DNAH6: variants seen among roughly 807,000 people sequenced by gnomAD.
The protein encoded by DNAH6 is axonemal beta dynein heavy chain 6.
In DNAH6, 340 loss-of-function variants were observed where a neutral mutation model predicts 491.4. The ratio of observed to expected loss-of-function variants is 0.69; its 90% CI spans 0.63 to 0.76. The LOEUF (loss-of-function observed/expected upper bound fraction) is 0.76. DNAH6 is among the 30% of genes least tolerant of loss of function. The pLI, the probability that DNAH6 is intolerant of heterozygous loss-of-function variation, is 0.00. For missense variants in DNAH6, 4,443 were observed against 4,972.2 expected (o/e 0.89, Z 3.20); for synonymous variants, 1,603 against 1,686.1 (o/e 0.95, Z 1.21).
intron 57 of DNAH6, among the ~76,000 whole-genome samples, chr2:84,714,437 A>G (rs1290244771): frequency 6.6e-6 from 1 of 152,184 alleles, no homozygotes; most frequent in Middle Eastern, 3.2e-3. Flanking sequence ...AGTGACCAAC[A>G]TTACCAGAGG....
chr2:84,526,386 C>T (rs974710423), intron 3 of DNAH6, among the ~76,000 whole-genome samples: 1 of 152,076 alleles, frequency 6.6e-6, no homozygotes, highest in Non-Finnish European at 1.5e-5. Flanking sequence ...AACTGCTAGA[C>T]GTGCACAGTT....
the DNAH6 span, among the ~76,000 whole-genome samples, chr2:84,487,355 C>T: frequency 6.6e-6 from 1 of 152,264 alleles, no homozygotes; most frequent in Admixed American, 6.5e-5. Context: ...TGCCTCAAAT[C>T]CAGGCACCAC....
chr2:84,724,725 C>T (rs1482135876), intron 60 of DNAH6, among the ~76,000 whole-genome samples: 1 of 152,198 alleles, frequency 6.6e-6, no homozygotes, highest in Non-Finnish European at 1.5e-5. Context: ...GCCATGGCCT[C>T]TCCTTGTGGC....
At position 84,770,003 on chromosome 2, in the gene DNAH6, T is replaced by G. The variant is rs182592825; in HGVS notation, c.10703+7058T>G. On this transcript the variant is annotated intron_variant, in intron 64 of 76. Transcript: ENST00000389394. ...CAGGAAGTGAAGGCTAATGCAGATT[T>G]GTAAACTGCCCAGCTGAGTGTTGAA... Among the ~76,000 whole-genome samples the G allele has an allele frequency of 2.7e-3, 406 of 152,324 alleles. 2 individuals are homozygous for G. Among genetic ancestry groups the G allele is most frequent in the Non-Finnish European group, 4.4e-3 (300 of 68,024 alleles).
chr2:84,494,671 C>A, the DNAH6 span, among the ~76,000 whole-genome samples: 2 of 152,170 alleles, frequency 1.3e-5, no homozygotes, highest in Non-Finnish European at 2.9e-5. Flanking sequence ...ACAGAACTTT[C>A]TGAAAATTAG....
chr2:84,783,762 C>G (rs73943402), intron 65 of DNAH6, among the ~76,000 whole-genome samples: 5,851 of 152,116 alleles, frequency 0.038, 132 homozygotes, highest in Middle Eastern at 0.095. Flanking sequence ...GGGAGACAGA[C>G]AATGAATAAA....
chr2:84,634,480 T>C lies in DNAH6; in HGVS notation c.4516-24T>C, dbSNP rs1386268230. 3 of 1,512,738 alleles carry C rather than the reference T, an allele frequency of 2.0e-6. No individual in the cohort carries two copies. In the African/African-American group the frequency reaches 4.2e-5, roughly 21 times the overall value. 93.7% of individuals were successfully genotyped at this position (1,512,738 alleles called of 1,614,324 possible). ...GGAGCTGAACTACACAATACAAAGTTGAACTGCTTTATTTTGATTTCAGAT... is the reference window on the plus strand; with the variant it reads ...GGAGCTGAACTACACAATACAAAGTCGAACTGCTTTATTTTGATTTCAGAT... On this transcript the variant is annotated intron_variant, in intron 29 of 76. Transcript: ENST00000389394.
chr2:84,471,388 C>G, the DNAH6 span, among the ~76,000 whole-genome samples: 6 of 151,766 alleles, frequency 4.0e-5, no homozygotes, highest in Non-Finnish European at 8.8e-5. Flanking sequence ...TCGCACATAT[C>G]TCCCCTTTCC....
chr2:84,818,929 C>T (rs1425929612), intron 76 of DNAH6, among the ~76,000 whole-genome samples: 1 of 152,098 alleles, frequency 6.6e-6, no homozygotes, highest in Non-Finnish European at 1.5e-5. Context: ...AAAAATTAGC[C>T]AGGCATGGTG....
chr2:84,760,451 CAACAATAACAAAGA>C (rs1674463280), intron 63 of DNAH6, among the ~76,000 whole-genome samples: 2 of 152,060 alleles, frequency 1.3e-5, no homozygotes, highest in South Asian at 2.1e-4. Context: ...AGGAACTCAA[CAACAATAACAAAGA>C]AAAGAGATAA....
At chr2:84,580,908 T>C (rs1682961101) in intron 14 of DNAH6, among the ~76,000 whole-genome samples, 1 of 152,084 alleles carries the variant, frequency 6.6e-6, no homozygotes, top group Non-Finnish European at 1.5e-5. Flanking sequence ...GACGCCCCAG[T>C]AGTCCTTCCT....
At chr2:84,555,065 AG>A (rs1426895848) in intron 10 of DNAH6, among the ~76,000 whole-genome samples, 1 of 152,248 alleles carries the variant, frequency 6.6e-6, no homozygotes, top group Non-Finnish European at 1.5e-5. Flanking sequence ...ATCAGCCAAT[AG>A]AAGTATAAAT....
At chr2:84,780,423 A>G (rs912449340) in intron 64 of DNAH6, among the ~76,000 whole-genome samples, 11 of 152,130 alleles carry the variant, frequency 7.2e-5, no homozygotes, top group African/African-American at 2.7e-4. Flanking sequence ...TTGGCCTAGT[A>G]TGTTGTTAAT....
intron 41 of DNAH6, among the ~76,000 whole-genome samples, chr2:84,679,347 CTCTT>C (rs1347157194): frequency 1.3e-5 from 2 of 152,172 alleles, no homozygotes; most frequent in Admixed American, 6.5e-5. Flanking sequence ...TTATAAGTGA[CTCTT>C]TCTCAGACCA....
At chr2:84,735,595 T>C (rs952312361) in intron 62 of DNAH6, among the ~76,000 whole-genome samples, 18 of 152,208 alleles carry the variant, frequency 1.2e-4, no homozygotes, top group Admixed American at 6.5e-5. Context: ...CTGATTGGTG[T>C]AAGATGGTAT....
chr2:84,566,720 A>C (rs1681231572), intron 11 of DNAH6, among the ~76,000 whole-genome samples: 1 of 152,072 alleles, frequency 6.6e-6, no homozygotes, highest in Admixed American at 6.6e-5. Flanking sequence ...AAGAATAGCT[A>C]TGAGGAGTAC....
chr2:84,767,973 CAT>C (rs1431036094), intron 64 of DNAH6, among the ~76,000 whole-genome samples: 2 of 152,102 alleles, frequency 1.3e-5, no homozygotes, highest in African/African-American at 4.8e-5. Context: ...ATCTGGAAGA[CAT>C]ATATTCTACG....
the DNAH6 span, among the ~76,000 whole-genome samples, chr2:84,505,561 CT>C: frequency 1.3e-5 from 2 of 151,810 alleles, no homozygotes; most frequent in African/African-American, 4.8e-5. Flanking sequence ...TTTTTAAGTT[CT>C]TTTTTTATTA....
At chr2:84,482,534 G>C in the DNAH6 span, among the ~76,000 whole-genome samples, 65 of 152,336 alleles carry the variant, frequency 4.3e-4, no homozygotes, top group Middle Eastern at 3.4e-3. Flanking sequence ...TCTAGAGGAA[G>C]CTGAGAATTC....
Sources: allele counts gnomAD v4.1 joint callset (sites outside exome capture counted in the v4.1 genomes callset), GRCh38; gene constraint gnomAD v4.1.1; transcripts MANE v1.5; gene names NCBI Gene and HGNC (gene_info 2026-07-23, HGNC 2026-07-21).